GPATCH2: variants seen among roughly 807,000 people sequenced by gnomAD.
The protein encoded by GPATCH2 is G patch domain-containing protein 2.
In GPATCH2, 51 loss-of-function variants were observed where a neutral mutation model predicts 58.0. That is an observed-to-expected ratio of 0.88 (90% confidence interval 0.70 to 1.11). The LOEUF (loss-of-function observed/expected upper bound fraction) is 1.11, where lower values mean the gene tolerates loss of function less well. GPATCH2 is among the 50% of genes most tolerant of loss of function. GPATCH2 has a pLI of 0.00. For synonymous variants in GPATCH2, 222 were observed against 218.5 expected (o/e 1.02, Z -0.14); for missense variants, 625 against 652.2 (o/e 0.96, Z 0.45).
At chr1:217,610,211 T>C in intron 5 of GPATCH2, 110 bp downstream of exon 5, 1 of 1,583,338 alleles carries the variant, frequency 6.3e-7, no homozygotes, top group East Asian at 2.2e-5. Context: ...AAATGGATTA[T>C]TTTTAAGTTT....
intron 5 of GPATCH2, among the ~76,000 whole-genome samples, chr1:217,584,519 A>T (rs146469949): frequency 0.024 from 3,651 of 151,366 alleles, 55 homozygotes; most frequent in Middle Eastern, 0.088. Flanking sequence ...AAAGAGTGAG[A>T]CTCCATCTCA....
intron 6 of GPATCH2, among the ~76,000 whole-genome samples, chr1:217,508,239 C>A (rs1321272007): frequency 6.6e-6 from 1 of 152,022 alleles, no homozygotes. Flanking sequence ...CACTATAAAG[C>A]AATAGATGCT....
intron 8 of GPATCH2, among the ~76,000 whole-genome samples, chr1:217,463,393 A>G (rs1660286072): frequency 6.6e-6 from 1 of 152,124 alleles, no homozygotes; most frequent in African/African-American, 2.4e-5. Flanking sequence ...CAGCTGGTAT[A>G]TCGCATTCAA....
intron 5 of GPATCH2, among the ~76,000 whole-genome samples, chr1:217,574,343 A>G (rs1039389093): frequency 3.9e-5 from 6 of 152,182 alleles, no homozygotes; most frequent in African/African-American, 1.4e-4. Flanking sequence ...ATTGAAACCA[A>G]TAAACTCAAA....
At chr1:217,472,582 G>A (rs1390648241) in intron 8 of GPATCH2, among the ~76,000 whole-genome samples, 2 of 152,202 alleles carry the variant, frequency 1.3e-5, no homozygotes, top group South Asian at 2.1e-4. Flanking sequence ...GATTACAGGC[G>A]TGAGCCACCG....
chr1:217,530,920 G>C (rs1219714790), intron 5 of GPATCH2, among the ~76,000 whole-genome samples: 1 of 151,994 alleles, frequency 6.6e-6, no homozygotes, highest in Non-Finnish European at 1.5e-5. Flanking sequence ...TTTTACAGCT[G>C]ATTTGCTTTT....
chr1:217,546,513 G>T (rs1571896264), intron 5 of GPATCH2, among the ~76,000 whole-genome samples: 1 of 152,278 alleles, frequency 6.6e-6, no homozygotes, highest in South Asian at 2.1e-4. Context: ...AATGGTAAAA[G>T]GATTCCCTTC....
intron 8 of GPATCH2, among the ~76,000 whole-genome samples, chr1:217,480,822 T>C (rs1661180790): frequency 6.6e-6 from 1 of 152,218 alleles, no homozygotes. Flanking sequence ...AATGGTATTC[T>C]GTCATTTGAA....
At chr1:217,523,885 C>T (rs1449267787) in intron 5 of GPATCH2, among the ~76,000 whole-genome samples, 1 of 137,362 alleles carries the variant, frequency 7.3e-6, no homozygotes. Flanking sequence ...GATGGGGCGG[C>T]TGGCCGGGCG....
chr1:217,558,609 C>A (rs1433514929), intron 5 of GPATCH2, among the ~76,000 whole-genome samples: 3 of 152,034 alleles, frequency 2.0e-5, no homozygotes, highest in Non-Finnish European at 2.9e-5. Flanking sequence ...GTTTAGACTT[C>A]CTATATTCCA....
chr1:217,565,894 G>A (rs556235490), intron 5 of GPATCH2, among the ~76,000 whole-genome samples: 1 of 152,174 alleles, frequency 6.6e-6, no homozygotes, highest in South Asian at 2.1e-4. Flanking sequence ...CTGAGGTTGG[G>A]AGTTCGAGAC....
intron 5 of GPATCH2, among the ~76,000 whole-genome samples, chr1:217,555,773 A>G (rs1361959697): frequency 2.0e-5 from 3 of 152,094 alleles, no homozygotes; most frequent in Admixed American, 6.5e-5. Flanking sequence ...TCTAACACCT[A>G]CACTACACTT....
At position 217,619,986 on chromosome 1, in the gene GPATCH2, A is replaced by T; in HGVS notation, c.570T>A (p.Asp190Glu). The change falls in exon 2 of 10, where the codon GAT (aspartate) becomes GAA (glutamate). Residue 190 changes from aspartate (D) to glutamate (E), a missense_variant. Physicochemically the swap from Asp to Glu is conservative, Grantham distance 45. Coordinates refer to ENST00000366935, the MANE Select transcript of GPATCH2 (RefSeq NM_018040.5). ...TMTQPPEGCR[D>E]QDMDSDRAYQ... ...AGGCTCTATCACTGTCCATGTCCTG[A>T]TCTCTACAACCCTCAGGTGGCTGGG... 4 of 1,613,936 alleles carry T rather than the reference A, an allele frequency of 2.5e-6. No individual in the cohort carries two copies. The highest frequency in any genetic ancestry group is 3.4e-6 in the Non-Finnish European group (4 of 1,179,956).
In GPATCH2 at chr1:217,619,817, C is replaced by G. The variant is rs922899699; in HGVS notation, c.739G>C (p.Glu247Gln). Residue 247 changes from glutamate to glutamine, a missense_variant, in exon 2 of 10, where the codon GAG (glutamate) becomes CAG (glutamine). By Grantham distance (29) the Glu-to-Gln change is conservative. Transcript: ENST00000366935. The stretch of plus-strand genomic sequence containing the variant: ...ATGAGCTCATCTGAGACTTTTTGCT[C>G]TTCACATTCCATTTTGTCCTTATTG... ...QTNKDKMECE[E>Q]QKVSDELMSE... The G allele has an allele frequency of 3.7e-6, 6 of 1,602,234 alleles. No homozygotes were observed. Among genetic ancestry groups the G allele is most frequent in the Non-Finnish European group, 5.1e-6 (6 of 1,174,428 alleles).
intron 5 of GPATCH2, among the ~76,000 whole-genome samples, chr1:217,519,373 A>C (rs1254698825): frequency 6.6e-6 from 1 of 152,240 alleles, no homozygotes; most frequent in African/African-American, 2.4e-5. Context: ...CTTTTAAAGC[A>C]ACATACAAAC....
At chr1:217,470,775 T>C (rs1660690918) in intron 8 of GPATCH2, among the ~76,000 whole-genome samples, 1 of 152,116 alleles carries the variant, frequency 6.6e-6, no homozygotes, top group Admixed American at 6.5e-5. Context: ...CCAATTATTC[T>C]ACTCTAAGGA....
At chr1:217,575,211 T>G (rs940538540) in intron 5 of GPATCH2, among the ~76,000 whole-genome samples, 2 of 152,234 alleles carry the variant, frequency 1.3e-5, no homozygotes, top group Admixed American at 6.5e-5. Flanking sequence ...AAAGCTGACC[T>G]ATGGTTTACT....
At chr1:217,453,406 TA>T (rs1169178747) in intron 8 of GPATCH2, among the ~76,000 whole-genome samples, 2 of 152,184 alleles carry the variant, frequency 1.3e-5, no homozygotes, top group African/African-American at 2.4e-5. Context: ...GTGGAAAGGA[TA>T]AAGAAATGGT....
At chr1:217,616,022 A>T (rs1446265425) in intron 2 of GPATCH2, among the ~76,000 whole-genome samples, 1 of 152,180 alleles carries the variant, frequency 6.6e-6, no homozygotes, top group Non-Finnish European at 1.5e-5. Flanking sequence ...ATTAAATAAC[A>T]GCAAAGGAAA....
Sources: gnomAD v4.1 joint callset for allele counts (sites outside exome capture counted in the v4.1 genomes callset) on GRCh38, gnomAD v4.1.1 for gene constraint, MANE v1.5 for transcripts, NCBI Gene and HGNC (gene_info 2026-07-23, HGNC 2026-07-21) for gene names.